ZNF385B: variants seen among roughly 807,000 people sequenced by gnomAD.
ZNF385B encodes zinc finger protein 385B.
ZNF385B carries 23 observed loss-of-function variants against 39.2 expected under a neutral mutation model. The observed-to-expected ratio is 0.59, with a 90% CI of 0.42 to 0.83. ZNF385B has a LOEUF of 0.83. Ranked by LOEUF, ZNF385B falls within the 40% of genes least tolerant of loss-of-function variation. The probability of loss-of-function intolerance (pLI) is 0.00; values close to 1 mark genes in which losing one functional copy is unlikely to be tolerated. For synonymous variants in ZNF385B, 205 were observed against 222.6 expected, an observed-to-expected ratio of 0.92 and a Z score of 0.70; for missense variants, 552 against 598.9, an observed-to-expected ratio of 0.92 and a Z score of 0.82.
At chr2:179,625,870 T>C (rs906191619) in intron 3 of ZNF385B, among the ~76,000 whole-genome samples, 2 of 152,006 alleles carry the variant, frequency 1.3e-5, no homozygotes, top group African/African-American at 4.8e-5. Context: ...AGATGCATCT[T>C]CACAAACATG....
At chr2:179,495,769 G>C (rs774987987) in intron 5 of ZNF385B, among the ~76,000 whole-genome samples, 2 of 152,174 alleles carry the variant, frequency 1.3e-5, no homozygotes, top group African/African-American at 4.8e-5. Context: ...GTACCTCTAT[G>C]AGTCTGCAAG....
At chr2:179,787,890 T>C (rs565892858) in intron 1 of ZNF385B, among the ~76,000 whole-genome samples, 30 of 152,294 alleles carry the variant, frequency 2.0e-4, no homozygotes, top group African/African-American at 7.0e-4. Context: ...AGCTAAAAGA[T>C]AAATTGTGAA....
At chr2:179,723,304 G>C (rs16866953) in intron 3 of ZNF385B, among the ~76,000 whole-genome samples, 19,170 of 152,112 alleles carry the variant, frequency 0.13, 1,805 homozygotes, top group East Asian at 0.5. Flanking sequence ...TGCCCTCAGA[G>C]TATAATTATA....
In ZNF385B at chr2:179,818,813, C is replaced by A. The variant is rs372548016; in HGVS notation, c.-155+42288G>T. Among the ~76,000 whole-genome samples the A allele has an allele frequency of 2.6e-5, 4 of 152,080 alleles. No individual in the cohort carries two copies. The East Asian group carries it at 7.7e-4, about 29-fold the overall frequency. ...GAAAGGTTCTCATCCTCAGTGCTGG[C>A]CCTAATGCTCATCAGATTTTATAAA... On this transcript the variant is annotated intron_variant, in intron 1 of 9. Coordinates refer to ENST00000410066, the MANE Select transcript of ZNF385B (RefSeq NM_152520.6).
At chr2:179,666,202 G>T (rs968793636) in intron 3 of ZNF385B, among the ~76,000 whole-genome samples, 7 of 152,068 alleles carry the variant, frequency 4.6e-5, no homozygotes, top group Admixed American at 1.3e-4. Flanking sequence ...ATCACCATAG[G>T]TTTTTGTTTT....
intron 3 of ZNF385B, among the ~76,000 whole-genome samples, chr2:179,609,318 C>G (rs1228149735): frequency 6.6e-6 from 1 of 152,138 alleles, no homozygotes; most frequent in African/African-American, 2.4e-5. Context: ...TATGTGAGAA[C>G]ATGTGACGTT....
At chr2:179,784,230 C>T (rs183827680) in intron 1 of ZNF385B, among the ~76,000 whole-genome samples, 10 of 152,084 alleles carry the variant, frequency 6.6e-5, no homozygotes, top group African/African-American at 2.2e-4. Flanking sequence ...GAACAGAAAA[C>T]GGAATACTGC....
chr2:179,754,286 G>T (rs545740925), intron 3 of ZNF385B, among the ~76,000 whole-genome samples: 1 of 152,114 alleles, frequency 6.6e-6, no homozygotes, highest in Non-Finnish European at 1.5e-5. Flanking sequence ...ATGAAGCCCA[G>T]TTGATCATGG....
At chr2:179,470,845 C>T (rs1193118613) in intron 6 of ZNF385B, among the ~76,000 whole-genome samples, 1 of 140,526 alleles carries the variant, frequency 7.1e-6, no homozygotes, top group African/African-American at 2.7e-5. Context: ...TGGTCAGTTA[C>T]AAACTTTGCT....
intron 6 of ZNF385B, among the ~76,000 whole-genome samples, chr2:179,477,622 G>A (rs1227462834): frequency 6.6e-6 from 1 of 152,094 alleles, no homozygotes; most frequent in East Asian, 1.9e-4. Context: ...TTGGAGGCAG[G>A]GCATGCCTTC....
At chr2:179,456,407 G>T (rs1245469042) in intron 6 of ZNF385B, among the ~76,000 whole-genome samples, 1 of 152,008 alleles carries the variant, frequency 6.6e-6, no homozygotes, top group Non-Finnish European at 1.5e-5. Flanking sequence ...GTATCTCATT[G>T]TTAATTTGAT....
chr2:179,539,582 T>C (rs1005624852), intron 4 of ZNF385B, among the ~76,000 whole-genome samples: 5 of 152,184 alleles, frequency 3.3e-5, no homozygotes, highest in African/African-American at 1.2e-4. Context: ...CCCAGTTGTT[T>C]GTGAACAAAG....
intron 3 of ZNF385B, among the ~76,000 whole-genome samples, chr2:179,733,011 C>T (rs1036885860): frequency 6.6e-6 from 1 of 152,082 alleles, no homozygotes; most frequent in African/African-American, 2.4e-5. Flanking sequence ...TACATAGACA[C>T]TCAAAAGTAA....
At chr2:179,587,349 C>T (rs560991380) in intron 3 of ZNF385B, among the ~76,000 whole-genome samples, 1 of 152,266 alleles carries the variant, frequency 6.6e-6, no homozygotes, top group African/African-American at 2.4e-5. Context: ...GTAATAAACT[C>T]TCTAGGACTT....
Position 179,504,814 on chromosome 2 carries a change from GA to G in ZNF385B, c.552+13713del, listed in dbSNP as rs76535980. ...CCTAAAACTTAAAGTATAATTTAAA[GA>G]AAAAAAAAAAAACCAGATCTCAGGA... On this transcript the variant is annotated intron_variant, in intron 5 of 9. Coordinates refer to ENST00000410066, the MANE Select transcript of ZNF385B (RefSeq NM_152520.6). Among the ~76,000 whole-genome samples the G allele has an allele frequency of 1.9e-3, 267 of 137,704 alleles. 2 individuals are homozygous for G. Among genetic ancestry groups the G allele is most frequent in the African/African-American group, 4.2e-3 (158 of 37,538 alleles). 90.3% of individuals were successfully genotyped at this position (137,704 alleles called of 152,430 possible).
At chr2:179,546,737 C>A (rs1194480334) in intron 3 of ZNF385B, among the ~76,000 whole-genome samples, 2 of 150,398 alleles carry the variant, frequency 1.3e-5, no homozygotes, top group Non-Finnish European at 3.0e-5. Context: ...GGGGTATATA[C>A]CCACCTAGCA....
At chr2:179,636,153 G>A (rs548863410) in intron 3 of ZNF385B, among the ~76,000 whole-genome samples, 100 of 152,164 alleles carry the variant, frequency 6.6e-4, no homozygotes, top group Non-Finnish European at 1.0e-3. Context: ...TTTGGTGGTT[G>A]AAAATTTTCC....
At chr2:179,851,169 G>A (rs891523246) in intron 1 of ZNF385B, among the ~76,000 whole-genome samples, 1 of 152,218 alleles carries the variant, frequency 6.6e-6, no homozygotes, top group Non-Finnish European at 1.5e-5. Context: ...AAGAAGTTGA[G>A]GCCAGACACA....
At chr2:179,588,949 A>G (rs1231605601) in intron 3 of ZNF385B, among the ~76,000 whole-genome samples, 1 of 152,162 alleles carries the variant, frequency 6.6e-6, no homozygotes, top group East Asian at 1.9e-4. Context: ...AACAGTCTAC[A>G]TGTTAGGATT....
Sources: gnomAD v4.1 joint callset for allele counts (sites outside exome capture counted in the v4.1 genomes callset) on GRCh38, gnomAD v4.1.1 for gene constraint, MANE v1.5 for transcripts, NCBI Gene and HGNC (gene_info 2026-07-23, HGNC 2026-07-21) for gene names.